The following NPSR1 variants were observed in gnomAD, a reference collection of about 807,000 sequenced individuals.
NPSR1 encodes the protein neuropeptide S receptor.
A neutral mutation model predicts 46.9 loss-of-function variants in NPSR1; 48 were observed. The ratio of observed to expected loss-of-function variants is 1.02; its 90% confidence interval spans 0.81 to 1.30. The LOEUF (loss-of-function observed/expected upper bound fraction) is 1.30, where lower values mean the gene tolerates loss of function less well. Ranked by LOEUF, NPSR1 falls within the 50% of genes most tolerant of loss-of-function variation. NPSR1 has a pLI of 0.00. For synonymous variants in NPSR1, 176 were observed against 168.1 expected, an observed-to-expected ratio of 1.05 and a Z score of -0.36; for missense variants, 450 against 449.5, an observed-to-expected ratio of 1.00 and a Z score of -0.01.
intron 2 of NPSR1, 76 bp downstream of exon 2, chr7:34,684,760 T>TAA: frequency 1.8e-6 from 2 of 1,133,400 alleles, no homozygotes; most frequent in African/African-American, 2.5e-5. Flanking sequence ...ATGAATTTTA[T>TAA]CAAAAAAAAA....
intron 2 of NPSR1, among the ~76,000 whole-genome samples, chr7:34,718,207 T>C (rs1484419492): frequency 6.6e-6 from 1 of 152,208 alleles, no homozygotes; most frequent in Non-Finnish European, 1.5e-5. Context: ...AATGTTAACA[T>C]AAATGTAATA....
At chr7:34,704,783 T>C (rs1475793087) in intron 2 of NPSR1, among the ~76,000 whole-genome samples, 2 of 152,208 alleles carry the variant, frequency 1.3e-5, no homozygotes, top group Non-Finnish European at 1.5e-5. Flanking sequence ...CAGCATCTTA[T>C]CGGATTGCTT....
chr7:34,797,196 G>A (rs1788211576), intron 3 of NPSR1, among the ~76,000 whole-genome samples: 1 of 152,100 alleles, frequency 6.6e-6, no homozygotes, highest in African/African-American at 2.4e-5. Context: ...GGAGAGGGAG[G>A]CAGAGCACAG....
intron 7 of NPSR1, chr7:34,845,731 C>T (rs1790717918): frequency 5.1e-5 from 19 of 370,188 alleles, no homozygotes; most frequent in Middle Eastern, 5.4e-4. Flanking sequence ...AGGGCAATGA[C>T]TTTGGCTTTT....
chr7:34,855,375 A>C (rs1422942611), intron 8 of NPSR1, among the ~76,000 whole-genome samples: 4 of 152,128 alleles, frequency 2.6e-5, no homozygotes, highest in African/African-American at 4.8e-5. Context: ...AGGAAGAAAA[A>C]GAGAGAAGGC....
At chr7:34,840,915 A>G (rs895727831) in intron 6 of NPSR1, among the ~76,000 whole-genome samples, 1 of 152,148 alleles carries the variant, frequency 6.6e-6, no homozygotes, top group African/African-American at 2.4e-5. Flanking sequence ...GAAGAAACTG[A>G]CTGCAGTCCT....
intron 6 of NPSR1, among the ~76,000 whole-genome samples, chr7:34,841,504 A>G (rs1790565125): frequency 6.6e-6 from 1 of 152,242 alleles, no homozygotes; most frequent in Non-Finnish European, 1.5e-5. Flanking sequence ...AGCCCGATTA[A>G]TGCACAGTGA....
intron 4 of NPSR1, among the ~76,000 whole-genome samples, chr7:34,819,468 G>A (rs1789437056): frequency 6.6e-6 from 1 of 152,172 alleles, no homozygotes; most frequent in African/African-American, 2.4e-5. Context: ...ACTGTTGGTG[G>A]GAGTGTACAT....
intron 4 of NPSR1, among the ~76,000 whole-genome samples, chr7:34,825,597 G>GC (rs550039928): frequency 1.5e-3 from 229 of 152,252 alleles, no homozygotes; most frequent in Non-Finnish European, 2.0e-3. Context: ...AGAGAAAGAG[G>GC]CCTCCCTGAA....
chr7:34,751,258 G>A (rs140656197), intron 2 of NPSR1: 1 of 993,484 alleles, frequency 1.0e-6, no homozygotes, highest in Non-Finnish European at 1.6e-6. Context: ...AATGGGAAGT[G>A]GAGACTTTTC....
downstream of NPSR1, among the ~76,000 whole-genome samples, chr7:34,852,084 C>T (rs748289719): frequency 6.6e-6 from 1 of 151,986 alleles, no homozygotes; most frequent in South Asian, 2.1e-4. Context: ...GATCGTGAGG[C>T]CAGGAGATCG....
chr7:34,750,716 A>G, intron 2 of NPSR1: 1 of 699,178 alleles, frequency 1.4e-6, no homozygotes, highest in South Asian at 1.4e-5. Context: ...AAAACAGTCA[A>G]AATTGCCAAG....
chr7:34,873,310 A>G (rs1244896001), intron 8 of NPSR1, among the ~76,000 whole-genome samples: 1 of 151,704 alleles, frequency 6.6e-6, no homozygotes, highest in Admixed American at 6.6e-5. Context: ...CCCAGTTCCA[A>G]TGCTGGATCC....
intron 8 of NPSR1, among the ~76,000 whole-genome samples, chr7:34,865,127 C>T (rs1291751887): frequency 1.3e-5 from 2 of 151,908 alleles, no homozygotes; most frequent in African/African-American, 2.4e-5. Context: ...GATGGAAGAA[C>T]ACTAGGTCTC....
At chr7:34,812,259 C>G (rs1170685470) in intron 4 of NPSR1, among the ~76,000 whole-genome samples, 1 of 152,132 alleles carries the variant, frequency 6.6e-6, no homozygotes, top group African/African-American at 2.4e-5. Context: ...GAAACAAACA[C>G]CTTGTTCTCC....
intron 3 of NPSR1, among the ~76,000 whole-genome samples, chr7:34,783,712 T>A (rs1787335384): frequency 6.6e-6 from 1 of 152,022 alleles, no homozygotes; most frequent in Admixed American, 6.6e-5. Context: ...CAAGACATAT[T>A]ATAATCAAAC....
At chr7:34,836,562 C>T (rs768199947) in intron 6 of NPSR1, among the ~76,000 whole-genome samples, 12 of 145,216 alleles carry the variant, frequency 8.3e-5, no homozygotes, top group South Asian at 4.4e-4. Context: ...CCTTATGAAA[C>T]GAAGAACAAA....
chr7:34,748,320 G>A (rs1169078000), intron 2 of NPSR1, among the ~76,000 whole-genome samples: 1 of 152,116 alleles, frequency 6.6e-6, no homozygotes, highest in Non-Finnish European at 1.5e-5. Context: ...AGCGTCTGGC[G>A]GCAAGGGAGG....
intron 2 of NPSR1, chr7:34,718,775 A>G (rs536961248): frequency 6.6e-6 from 1 of 152,354 alleles, no homozygotes; most frequent in South Asian, 2.1e-4. Flanking sequence ...AAGTAGCAGG[A>G]TCTGTCTCTT....
Sources: allele counts gnomAD v4.1 joint callset (sites outside exome capture counted in the v4.1 genomes callset), GRCh38; gene constraint gnomAD v4.1.1; transcripts MANE v1.5; gene names NCBI Gene and HGNC (gene_info 2026-07-23, HGNC 2026-07-21).